NXPH1: variants seen among roughly 807,000 people sequenced by gnomAD.
The protein encoded by NXPH1 is neurexophilin-1.
NXPH1 carries 5 observed loss-of-function variants against 23.7 expected under a neutral mutation model. The ratio of observed to expected loss-of-function variants is 0.21; its 90% confidence interval spans 0.11 to 0.44. The LOEUF is 0.44. Ranked by LOEUF, NXPH1 falls within the 20% of genes least tolerant of loss-of-function variation. The pLI is 0.99. For synonymous variants in NXPH1, 144 were observed against 122.2 expected, an observed-to-expected ratio of 1.18 and a Z score of -1.18; for missense variants, 324 against 321.6, an observed-to-expected ratio of 1.01 and a Z score of -0.06.
chr7:8,463,262 G>T (rs1472689507), intron 2 of NXPH1, among the ~76,000 whole-genome samples: 1 of 151,472 alleles, frequency 6.6e-6, no homozygotes, highest in African/African-American at 2.4e-5. Flanking sequence ...TTACCGTCTT[G>T]GAGGTATTAC....
chr7:8,739,201 A>T (rs901510045), intron 2 of NXPH1, among the ~76,000 whole-genome samples: 1 of 145,668 alleles, frequency 6.9e-6, no homozygotes. Flanking sequence ...AAAAAAAAAA[A>T]AAACCCTGCA....
chr7:8,591,626 T>C (rs1488107212), intron 2 of NXPH1, among the ~76,000 whole-genome samples: 1 of 152,068 alleles, frequency 6.6e-6, no homozygotes, highest in Non-Finnish European at 1.5e-5. Context: ...TTGCAAAGCC[T>C]GCTTTGTATT....
chr7:8,454,220 C>T (rs1026685615), intron 2 of NXPH1, among the ~76,000 whole-genome samples: 90 of 152,084 alleles, frequency 5.9e-4, no homozygotes, highest in African/African-American at 2.1e-3. Context: ...CACTTGTACC[C>T]CTGAAATTAA....
chr7:8,668,266 TTTTA>T (rs1244456217), intron 2 of NXPH1, among the ~76,000 whole-genome samples: 3 of 96,684 alleles, frequency 3.1e-5, no homozygotes, highest in African/African-American at 8.7e-5. Context: ...GTTTTTTTTT[TTTTA>T]TTTTGTTGTT....
chr7:8,554,498 A>G (rs1274753758), intron 2 of NXPH1, among the ~76,000 whole-genome samples: 3 of 151,674 alleles, frequency 2.0e-5, no homozygotes, highest in African/African-American at 7.3e-5. Context: ...AGTCCTCTGT[A>G]CCCTGAATTG....
At chr7:8,504,285 A>T (rs1817486575) in intron 2 of NXPH1, among the ~76,000 whole-genome samples, 1 of 152,026 alleles carries the variant, frequency 6.6e-6, no homozygotes, top group Non-Finnish European at 1.5e-5. Flanking sequence ...AAATTCCTTG[A>T]AGACTAAGGC....
At chr7:8,529,158 T>C (rs1817911813) in intron 2 of NXPH1, among the ~76,000 whole-genome samples, 1 of 152,244 alleles carries the variant, frequency 6.6e-6, no homozygotes, top group Non-Finnish European at 1.5e-5. Flanking sequence ...CTCTGTCACA[T>C]CTCTCTGACT....
intron 2 of NXPH1, among the ~76,000 whole-genome samples, chr7:8,447,384 A>G (rs760877101): frequency 1.3e-5 from 2 of 152,216 alleles, no homozygotes; most frequent in Non-Finnish European, 2.9e-5. Context: ...TCAGTGTAGT[A>G]TTTCTCTGGT....
intron 2 of NXPH1, among the ~76,000 whole-genome samples, chr7:8,712,711 C>A (rs1363267504): frequency 2.6e-5 from 4 of 152,214 alleles, no homozygotes; most frequent in Non-Finnish European, 5.9e-5. Flanking sequence ...GTGTTATCAG[C>A]ATGAATAATT....
At chr7:8,630,883 C>A (rs1363285092) in intron 2 of NXPH1, among the ~76,000 whole-genome samples, 4 of 152,100 alleles carry the variant, frequency 2.6e-5, no homozygotes, top group African/African-American at 7.2e-5. Flanking sequence ...AGGCATTAAG[C>A]CTAGTACCCA....
chr7:8,476,451 C>A (rs1046684596), intron 2 of NXPH1, among the ~76,000 whole-genome samples: 1 of 151,558 alleles, frequency 6.6e-6, no homozygotes, highest in East Asian at 1.9e-4. Context: ...TGAGTTTAGA[C>A]GCAATTCATT....
intron 2 of NXPH1, among the ~76,000 whole-genome samples, chr7:8,559,609 G>A (rs1562402193): frequency 6.6e-6 from 1 of 151,700 alleles, no homozygotes; most frequent in South Asian, 2.1e-4. Flanking sequence ...AGGTACATGA[G>A]CTTTTTTCCT....
At chr7:8,498,273 C>G (rs950889188) in intron 2 of NXPH1, among the ~76,000 whole-genome samples, 2 of 151,960 alleles carry the variant, frequency 1.3e-5, no homozygotes, top group Non-Finnish European at 2.9e-5. Flanking sequence ...CCACCGCTAA[C>G]CAATTAAGTA....
At chr7:8,473,464 T>C (rs1258009394) in intron 2 of NXPH1, among the ~76,000 whole-genome samples, 1 of 152,140 alleles carries the variant, frequency 6.6e-6, no homozygotes, top group Non-Finnish European at 1.5e-5. Flanking sequence ...CCCCCTGCCA[T>C]CTAAAACTGG....
At chr7:8,586,602 G>A (rs1562413132) in intron 2 of NXPH1, among the ~76,000 whole-genome samples, 1 of 151,046 alleles carries the variant, frequency 6.6e-6, no homozygotes, top group Non-Finnish European at 1.5e-5. Flanking sequence ...CTGGGGGAAG[G>A]AATGGCATGT....
At chr7:8,616,513 C>T (rs1819741511) in intron 2 of NXPH1, among the ~76,000 whole-genome samples, 1 of 151,962 alleles carries the variant, frequency 6.6e-6, no homozygotes, top group Non-Finnish European at 1.5e-5. Context: ...GCTGAAATCC[C>T]AACTCCAAGT....
chr7:8,642,946 C>A (rs961036324), intron 2 of NXPH1, among the ~76,000 whole-genome samples: 1 of 152,036 alleles, frequency 6.6e-6, no homozygotes, highest in African/African-American at 2.4e-5. Flanking sequence ...TTCACCACAA[C>A]CTCCATCTCC....
intron 2 of NXPH1, among the ~76,000 whole-genome samples, chr7:8,477,951 C>A (rs777246139): frequency 6.6e-6 from 1 of 152,094 alleles, no homozygotes; most frequent in Non-Finnish European, 1.5e-5. Flanking sequence ...TGAATCATGT[C>A]TGCCTCATTA....
At chr7:8,671,423 A>G (rs1396697767) in intron 2 of NXPH1, among the ~76,000 whole-genome samples, 2 of 152,222 alleles carry the variant, frequency 1.3e-5, no homozygotes, top group Non-Finnish European at 2.9e-5. Context: ...TGTATTTGCC[A>G]TAAAGAATGA....
Sources: allele counts gnomAD v4.1 joint callset (sites outside exome capture counted in the v4.1 genomes callset), GRCh38; gene constraint gnomAD v4.1.1; transcripts MANE v1.5; gene names NCBI Gene and HGNC (gene_info 2026-07-23, HGNC 2026-07-21).